The following CTNNA3 variants were observed in gnomAD, a reference collection of about 807,000 sequenced individuals.
CTNNA3 encodes catenin alpha 3.
A neutral mutation model predicts 95.7 loss-of-function variants in CTNNA3; 76 were observed. The observed-to-expected ratio is 0.79, with a 90% confidence interval of 0.66 to 0.96. The LOEUF (loss-of-function observed/expected upper bound fraction) is 0.96. Among genes scored for constraint, CTNNA3 ranks in the 40% least tolerant of loss-of-function variants. CTNNA3 has a pLI of 0.00. For missense variants in CTNNA3, 1,191 were observed against 1,089.8 expected (o/e 1.09, Z -1.31); for synonymous variants, 431 against 374.4 (o/e 1.15, Z -1.74).
At chr10:66,305,673 T>C (rs1029089940) in intron 12 of CTNNA3, among the ~76,000 whole-genome samples, 10 of 152,156 alleles carry the variant, frequency 6.6e-5, no homozygotes, top group Non-Finnish European at 1.5e-4. Flanking sequence ...AATAAGGAAG[T>C]CAAGGTCCAG....
chr10:66,245,288 C>T (rs2090271134), intron 13 of CTNNA3, among the ~76,000 whole-genome samples: 1 of 152,176 alleles, frequency 6.6e-6, no homozygotes, highest in Non-Finnish European at 1.5e-5. Flanking sequence ...TGCCCAGAAG[C>T]TCAGAGACAC....
chr10:67,713,990 C>T (rs1841127942), intron 1 of CTNNA3, among the ~76,000 whole-genome samples: 1 of 151,970 alleles, frequency 6.6e-6, no homozygotes, highest in Admixed American at 6.6e-5. Flanking sequence ...GAACCTCTGC[C>T]TAGATTTCAG....
rs190776026 is a variant in CTNNA3 at position 67,392,935 on chromosome 10, T to C, written c.579+128907A>G. On this transcript the variant is annotated intron_variant, in intron 5 of 17. Coordinates refer to ENST00000433211, the MANE Select transcript of CTNNA3 (RefSeq NM_013266.4). ...GTGGGGGGAAGCAGGAGGGATAGCA[T>C]TGGGAGATATACCTAATGCTAGATG... is the stretch of plus-strand genomic sequence containing the variant. 5.0e-3 allele frequency among the ~76,000 whole-genome samples: 763 copies of C among 152,144 alleles called. 10 individuals carry two copies. The highest frequency in any genetic ancestry group is 0.017 in the African/African-American group (719 of 41,494).
intron 7 of CTNNA3, among the ~76,000 whole-genome samples, chr10:67,112,667 T>C (rs1858970429): frequency 6.6e-6 from 1 of 152,038 alleles, no homozygotes; most frequent in Non-Finnish European, 1.5e-5. Context: ...ACATTTCCCT[T>C]GAATGTTCCA....
At chr10:66,489,501 A>G (rs1839845683) in intron 11 of CTNNA3, among the ~76,000 whole-genome samples, 1 of 152,150 alleles carries the variant, frequency 6.6e-6, no homozygotes, top group African/African-American at 2.4e-5. Context: ...CTTAAAGAAT[A>G]AAAACTAGTC....
chr10:66,194,382 C>T (rs540749827), intron 13 of CTNNA3, among the ~76,000 whole-genome samples: 3 of 152,216 alleles, frequency 2.0e-5, no homozygotes, highest in Non-Finnish European at 4.4e-5. Context: ...GAGTTCAAAA[C>T]CAGCCTGGCC....
At chr10:66,388,784 T>G (rs1309617686) in intron 11 of CTNNA3, among the ~76,000 whole-genome samples, 1 of 152,146 alleles carries the variant, frequency 6.6e-6, no homozygotes, top group Non-Finnish European at 1.5e-5. Context: ...AGATTAAATA[T>G]AGCACAAAAT....
intron 16 of CTNNA3, among the ~76,000 whole-genome samples, chr10:65,980,137 G>A (rs1173946253): frequency 6.6e-6 from 1 of 151,888 alleles, no homozygotes; most frequent in African/African-American, 2.4e-5. Flanking sequence ...GAACGAAATG[G>A]GAGATATTAC....
intron 10 of CTNNA3, among the ~76,000 whole-genome samples, chr10:66,534,280 T>C (rs900544007): frequency 2.0e-5 from 3 of 152,102 alleles, no homozygotes; most frequent in Non-Finnish European, 4.4e-5. Context: ...CATTTAGAAA[T>C]ACTGTAGCAA....
chr10:66,823,187 T>A (rs970512836), intron 7 of CTNNA3, among the ~76,000 whole-genome samples: 1 of 152,170 alleles, frequency 6.6e-6, no homozygotes, highest in South Asian at 2.1e-4. Context: ...TCCTAGCTGG[T>A]GGTGAGAACT....
intron 12 of CTNNA3, among the ~76,000 whole-genome samples, chr10:66,353,332 T>C (rs1352135364): frequency 1.3e-5 from 2 of 151,998 alleles, no homozygotes; most frequent in Non-Finnish European, 2.9e-5. Flanking sequence ...CCCACAGAAA[T>C]GGGCACAATT....
chr10:66,285,924 A>G (rs950768113), intron 12 of CTNNA3, among the ~76,000 whole-genome samples: 1 of 151,866 alleles, frequency 6.6e-6, no homozygotes, highest in Non-Finnish European at 1.5e-5. Flanking sequence ...ATTTTTTTCT[A>G]TGTAAGTTGT....
At chr10:67,684,139 CGCTGATTGGTCCGTTTTACAGAGT>C (rs1564827443) in intron 1 of CTNNA3, among the ~76,000 whole-genome samples, 1 of 152,128 alleles carries the variant, frequency 6.6e-6, no homozygotes, top group African/African-American at 2.4e-5. Context: ...TTTTACAGAG[CGCTGATTGGTCCGTTTTACAGAGT>C]GCTGATTGGT....
chr10:66,590,490 A>G (rs1564553026), intron 10 of CTNNA3, among the ~76,000 whole-genome samples: 1 of 152,148 alleles, frequency 6.6e-6, no homozygotes, highest in African/African-American at 2.4e-5. Flanking sequence ...AAAGCAACAT[A>G]CATCCATCTA....
chr10:66,294,372 AGT>A (rs1164651851), intron 12 of CTNNA3, among the ~76,000 whole-genome samples: 1 of 152,184 alleles, frequency 6.6e-6, no homozygotes, highest in Non-Finnish European at 1.5e-5. Context: ...TACTGAAAAT[AGT>A]GTGAGTTCCC....
intron 9 of CTNNA3, among the ~76,000 whole-genome samples, chr10:66,763,696 A>G (rs1173188025): frequency 6.6e-6 from 1 of 152,154 alleles, no homozygotes; most frequent in Non-Finnish European, 1.5e-5. Context: ...AATACAAATG[A>G]CAACTGCAGC....
chr10:67,672,113 A>C, intron 1 of CTNNA3, among the ~76,000 whole-genome samples: 1 of 152,228 alleles, frequency 6.6e-6, no homozygotes, highest in Admixed American at 6.5e-5. Context: ...ATGGCCAGTG[A>C]TGATGAGCAT....
At chr10:67,688,896 C>T (rs966407469) in intron 1 of CTNNA3, among the ~76,000 whole-genome samples, 8 of 152,174 alleles carry the variant, frequency 5.3e-5, no homozygotes, top group East Asian at 1.9e-4. Flanking sequence ...TTGTGCTCAC[C>T]GACGCAGCAT....
chr10:66,189,404 G>A (rs942957385), intron 13 of CTNNA3, among the ~76,000 whole-genome samples: 2 of 151,690 alleles, frequency 1.3e-5, no homozygotes, highest in Admixed American at 6.6e-5. Flanking sequence ...TATAGTATGA[G>A]TCCAATTTCA....
Sources: allele counts gnomAD v4.1 joint callset (sites outside exome capture counted in the v4.1 genomes callset), GRCh38; gene constraint gnomAD v4.1.1; transcripts MANE v1.5; gene names NCBI Gene and HGNC (gene_info 2026-07-23, HGNC 2026-07-21).